Variants in ZNF804A observed in about 807,000 individuals in gnomAD.
ZNF804A encodes the protein zinc finger protein 804A.
A neutral mutation model predicts 16.5 loss-of-function variants in ZNF804A; 2 were observed. The ratio of observed to expected loss-of-function variants is 0.12; its 90% CI spans 0.05 to 0.38. The LOEUF is 0.38. Among genes scored for constraint, ZNF804A ranks in the 10% least tolerant of loss-of-function variants. The pLI, the probability that ZNF804A is intolerant of heterozygous loss-of-function variation, is 0.99. For missense variants in ZNF804A, 1,473 were observed against 1,390.7 expected (o/e 1.06, Z -0.94); for synonymous variants, 534 against 489.6 (o/e 1.09, Z -1.20).
intron 2 of ZNF804A, among the ~76,000 whole-genome samples, chr2:184,917,379 T>C (rs1381334574): frequency 6.6e-6 from 1 of 152,176 alleles, no homozygotes; most frequent in Non-Finnish European, 1.5e-5. Flanking sequence ...AATACTATGA[T>C]GTAAAATTAA....
Position 184,781,316 on chromosome 2 carries a change from G to A in ZNF804A, c.112-85053G>A, listed in dbSNP as rs907846488. 2.6e-5 allele frequency among the ~76,000 whole-genome samples: 4 copies of A among 151,800 alleles called. No homozygotes were observed. The East Asian group carries it at 5.8e-4, about 22-fold the overall frequency. ...CCTAGGTACAATGCCTATGTCATAT[G>A]ATGGCTTATTTGGGCAATAAGGAAA... On this transcript the variant is annotated intron_variant, in intron 1 of 3. Coordinates refer to ENST00000302277, the MANE Select transcript of ZNF804A (RefSeq NM_194250.2).
intron 1 of ZNF804A, among the ~76,000 whole-genome samples, chr2:184,775,794 C>T (rs768608308): frequency 2.6e-5 from 4 of 151,600 alleles, no homozygotes; most frequent in Non-Finnish European, 4.4e-5. Context: ...CACACTAATT[C>T]TCATTACCAA....
chr2:184,860,509 C>A (rs1695783395), intron 1 of ZNF804A, among the ~76,000 whole-genome samples: 1 of 152,076 alleles, frequency 6.6e-6, no homozygotes, highest in Non-Finnish European at 1.5e-5. Context: ...CTGCAGGGGC[C>A]AGTGTGGCAT....
intron 1 of ZNF804A, among the ~76,000 whole-genome samples, chr2:184,655,599 T>C (rs1186091025): frequency 6.6e-6 from 1 of 152,184 alleles, no homozygotes; most frequent in Non-Finnish European, 1.5e-5. Context: ...AGATTTTGAT[T>C]TTATTCAATA....
chr2:184,645,708 C>T (rs568529920), intron 1 of ZNF804A, among the ~76,000 whole-genome samples: 1 of 152,296 alleles, frequency 6.6e-6, no homozygotes, highest in Non-Finnish European at 1.5e-5. Flanking sequence ...TAGAGGCTTT[C>T]AGCATGCTTT....
chr2:184,926,321 T>C (rs1375625820), intron 2 of ZNF804A, among the ~76,000 whole-genome samples: 2 of 151,892 alleles, frequency 1.3e-5, no homozygotes, highest in African/African-American at 2.4e-5. Context: ...AAATACATCA[T>C]ACCACTCTCT....
chr2:184,705,834 T>C (rs1432527527), intron 1 of ZNF804A, among the ~76,000 whole-genome samples: 3 of 152,066 alleles, frequency 2.0e-5, no homozygotes, highest in Non-Finnish European at 4.4e-5. Context: ...ACACAAAAAA[T>C]CATGGCTTTC....
intron 1 of ZNF804A, among the ~76,000 whole-genome samples, chr2:184,762,935 A>G (rs967294567): frequency 1.3e-5 from 2 of 152,200 alleles, no homozygotes; most frequent in Non-Finnish European, 2.9e-5. Context: ...TTAAATTACT[A>G]TGAAAGAAGT....
rs562501754 is a variant in ZNF804A, at chr2:184,875,766, T to TAA, written c.255+9271_255+9272dup. 1.3e-3 allele frequency among the ~76,000 whole-genome samples: 154 copies of TAA among 120,320 alleles called. 1 individual carries two copies. The highest frequency in any genetic ancestry group is 9.3e-3 in the Middle Eastern group (2 of 214). 78.9% of individuals were successfully genotyped at this position (120,320 alleles called of 152,430 possible). On this transcript the variant is annotated intron_variant, in intron 2 of 3. Transcript: ENST00000302277. ...CACTCTGAATTTTAGTCATTGACAT[T>TAA]AAAAAAAAAAAAAAAAAAGGAAAGC...
intron 1 of ZNF804A, among the ~76,000 whole-genome samples, chr2:184,662,847 A>G (rs1031732453): frequency 2.0e-5 from 3 of 152,222 alleles, no homozygotes; most frequent in Non-Finnish European, 2.9e-5. Flanking sequence ...TATTTAATAC[A>G]TCAAGTATTT....
intron 2 of ZNF804A, among the ~76,000 whole-genome samples, chr2:184,914,883 T>C (rs1685420933): frequency 6.6e-6 from 1 of 151,830 alleles, no homozygotes; most frequent in Non-Finnish European, 1.5e-5. Flanking sequence ...AAAGATCATG[T>C]AAGCAATAAT....
chr2:184,606,882 T>C (rs1399740997), intron 1 of ZNF804A, among the ~76,000 whole-genome samples: 2 of 152,004 alleles, frequency 1.3e-5, no homozygotes, highest in Non-Finnish European at 2.9e-5. Context: ...TATCATATTG[T>C]TCCTATGTTT....
intron 1 of ZNF804A, among the ~76,000 whole-genome samples, chr2:184,680,783 T>G (rs1334332144): frequency 3.3e-5 from 5 of 152,246 alleles, no homozygotes; most frequent in Admixed American, 6.5e-5. Flanking sequence ...GTTCCTTGCT[T>G]GCCATGTGGC....
intron 1 of ZNF804A, among the ~76,000 whole-genome samples, chr2:184,647,811 A>G (rs760847810): frequency 1.3e-4 from 20 of 152,240 alleles, no homozygotes; most frequent in Non-Finnish European, 2.5e-4. Flanking sequence ...TGGAATACAT[A>G]TGTGAGTTAA....
chr2:184,882,728 T>A (rs1447661285), intron 2 of ZNF804A, among the ~76,000 whole-genome samples: 1 of 151,962 alleles, frequency 6.6e-6, no homozygotes, highest in Non-Finnish European at 1.5e-5. Context: ...ATCAAGAAAT[T>A]ACTTGAAACT....
Position 184,678,050 on chromosome 2 carries a change from A to G in ZNF804A, c.111+78980A>G, listed in dbSNP as rs933261724. Among the ~76,000 whole-genome samples the G allele has an allele frequency of 2.0e-5, 3 of 152,202 alleles. No homozygotes were observed. In the South Asian group the frequency reaches 6.2e-4, roughly 32 times the overall value. Reference sequence around the variant, plus strand: ...CTGGATATTTATTTTTTAAAAGGTCAGAAGCACAGTAATAATTAATTAGTT... The same window carrying G: ...CTGGATATTTATTTTTTAAAAGGTCGGAAGCACAGTAATAATTAATTAGTT... On this transcript the variant is annotated intron_variant, in intron 1 of 3. Transcript: ENST00000302277.
chr2:184,743,338 A>C (rs1472743453), intron 1 of ZNF804A, among the ~76,000 whole-genome samples: 4 of 151,964 alleles, frequency 2.6e-5, no homozygotes, highest in Non-Finnish European at 4.4e-5. Flanking sequence ...GAATGCATCT[A>C]TTTGTTTCTA....
In ZNF804A at chr2:184,638,001, C is replaced by CTT. The variant is rs532734271; in HGVS notation, c.111+38932_111+38933dup. On this transcript the variant is annotated intron_variant, in intron 1 of 3. Transcript: ENST00000302277. ...TCAGGTATATTCTCAGTCAGTTAAG[C>CTT]TTGTCAGTATTGTAAAGAACCTTCC... Among the ~76,000 whole-genome samples, 1,123 of 152,248 alleles carry CTT rather than the reference C, an allele frequency of 7.4e-3. 8 individuals carry two copies. The highest frequency in any genetic ancestry group is 0.012 in the South Asian group (60 of 4,826).
intron 1 of ZNF804A, among the ~76,000 whole-genome samples, chr2:184,628,938 A>G (rs1574138228): frequency 6.6e-6 from 1 of 152,288 alleles, no homozygotes; most frequent in African/African-American, 2.4e-5. Context: ...TTTTTGCTTA[A>G]TTAGTGCATG....
Sources: allele counts gnomAD v4.1 joint callset (sites outside exome capture counted in the v4.1 genomes callset), GRCh38; gene constraint gnomAD v4.1.1; transcripts MANE v1.5; gene names NCBI Gene and HGNC (gene_info 2026-07-23, HGNC 2026-07-21).